MBNL2: variants seen among roughly 807,000 people sequenced by gnomAD.
MBNL2 encodes the protein muscleblind like splicing regulator 2.
MBNL2 carries 17 observed loss-of-function variants against 41.9 expected under a neutral mutation model. The observed-to-expected ratio is 0.41, with a 90% confidence interval of 0.28 to 0.61. The LOEUF (loss-of-function observed/expected upper bound fraction) is 0.61. Ranked by LOEUF, MBNL2 falls within the 20% of genes least tolerant of loss-of-function variation. The pLI, the probability that MBNL2 is intolerant of heterozygous loss-of-function variation, is 0.35. For synonymous variants in MBNL2, 195 were observed against 182.9 expected, an observed-to-expected ratio of 1.07 and a Z score of -0.53; for missense variants, 336 against 505.6, an observed-to-expected ratio of 0.66 and a Z score of 3.22.
intron 8 of MBNL2, among the ~76,000 whole-genome samples, chr13:97,380,731 T>C (rs1029997815): frequency 6.6e-6 from 1 of 152,086 alleles, no homozygotes; most frequent in Non-Finnish European, 1.5e-5. Flanking sequence ...CGAGCTTTAA[T>C]GGGGGATGGT....
At chr13:97,218,543 T>C (rs2040605888), upstream of MBNL2, among the ~76,000 whole-genome samples, 1 of 151,744 alleles carries the variant, frequency 6.6e-6, no homozygotes, top group African/African-American at 2.4e-5. Context: ...ATTGGGCAAA[T>C]TCGAAGGTAC....
At chr13:97,232,436 T>C (rs886124738) in intron 1 of MBNL2, among the ~76,000 whole-genome samples, 2 of 152,224 alleles carry the variant, frequency 1.3e-5, no homozygotes, top group African/African-American at 4.8e-5. Flanking sequence ...ACTTACTATA[T>C]GGAAAGTCCT....
At chr13:97,166,347 G>A in the MBNL2 span, among the ~76,000 whole-genome samples, 7,267 of 152,276 alleles carry the variant, frequency 0.048, 509 homozygotes, top group African/African-American at 0.16. Flanking sequence ...AGGTGTGGAT[G>A]AGACAGGTAG....
In MBNL2 at chr13:97,357,496, T is replaced by G; in HGVS notation, c.873T>G (p.Gly291=). Residue 291 remains glycine, a synonymous_variant, in exon 7 of 9, where the codon GGT becomes GGG. Transcript: ENST00000679496. ...TTCATTTCTAGGCCTTTCCCCCTGGTGCTCTTCATCCTTTACCAAAGAGAC... is the reference window on the plus strand; with the variant it reads ...TTCATTTCTAGGCCTTTCCCCCTGGGGCTCTTCATCCTTTACCAAAGAGAC... The part of the protein sequence containing the change: ...EATVDLAFPP[G]ALHPLPKRQA... The G allele has an allele frequency of 1.9e-6, 3 of 1,614,096 alleles. No homozygotes were observed. Among genetic ancestry groups the G allele is most frequent in the Middle Eastern group, 1.6e-4 (1 of 6,062 alleles).
At chr13:97,286,895 C>T (rs1162123614) in intron 2 of MBNL2, among the ~76,000 whole-genome samples, 3 of 152,200 alleles carry the variant, frequency 2.0e-5, no homozygotes, top group Non-Finnish European at 4.4e-5. Flanking sequence ...TTTCTGTTTC[C>T]TCCACTGAAT....
At chr13:97,298,558 A>G (rs770664937) in intron 2 of MBNL2, among the ~76,000 whole-genome samples, 11 of 152,194 alleles carry the variant, frequency 7.2e-5, no homozygotes, top group Non-Finnish European at 1.3e-4. Context: ...CTGGGACTGG[A>G]CCCAAGTTAA....
At chr13:97,363,496 G>A (rs902129561) in intron 7 of MBNL2, among the ~76,000 whole-genome samples, 7 of 150,822 alleles carry the variant, frequency 4.6e-5, no homozygotes, top group East Asian at 2.0e-4. Context: ...AGTGGCTTCC[G>A]ATGGAGGGAA....
At chr13:97,154,932 G>C in the MBNL2 span, among the ~76,000 whole-genome samples, 3 of 152,036 alleles carry the variant, frequency 2.0e-5, no homozygotes, top group Non-Finnish European at 4.4e-5. Context: ...AAATAGTATT[G>C]AGGAGGCGAT....
At chr13:97,354,565 C>A (rs1475896710) in intron 5 of MBNL2, among the ~76,000 whole-genome samples, 2 of 152,134 alleles carry the variant, frequency 1.3e-5, no homozygotes, top group Non-Finnish European at 2.9e-5. Flanking sequence ...CTAGAGATCT[C>A]AGTTTTTTTA....
At chr13:97,379,237 T>C (rs1193282238) in intron 8 of MBNL2, among the ~76,000 whole-genome samples, 3 of 152,114 alleles carry the variant, frequency 2.0e-5, no homozygotes, top group Non-Finnish European at 2.9e-5. Flanking sequence ...TTGGTGAGAA[T>C]AGCAAGAGAA....
At chr13:97,337,801 T>C (rs142389419) in intron 3 of MBNL2, among the ~76,000 whole-genome samples, 97 of 152,314 alleles carry the variant, frequency 6.4e-4, no homozygotes, top group Middle Eastern at 3.4e-3. Flanking sequence ...TTAAAAATTA[T>C]CAACTCTAGA....
At chr13:97,330,779 TA>T (rs2060368707) in intron 2 of MBNL2, among the ~76,000 whole-genome samples, 1 of 152,242 alleles carries the variant, frequency 6.6e-6, no homozygotes. Flanking sequence ...CTGTGTCAAA[TA>T]GCTTGTTTTA....
chr13:97,224,850 A>G (rs551219947), intron 1 of MBNL2, among the ~76,000 whole-genome samples: 2 of 152,380 alleles, frequency 1.3e-5, no homozygotes, highest in South Asian at 4.1e-4. Context: ...CAAGGAAATC[A>G]AAGCGTTGTT....
At chr13:97,360,502 A>G (rs1317189032) in intron 7 of MBNL2, among the ~76,000 whole-genome samples, 1 of 152,168 alleles carries the variant, frequency 6.6e-6, no homozygotes, top group Non-Finnish European at 1.5e-5. Flanking sequence ...AACCACACAC[A>G]CTTACAAAAA....
the MBNL2 span, among the ~76,000 whole-genome samples, chr13:97,199,509 T>C: frequency 6.6e-6 from 1 of 152,350 alleles, no homozygotes; most frequent in Middle Eastern, 3.4e-3. Flanking sequence ...AATTGTGGAA[T>C]GAATGAATAA....
chr13:97,246,770 C>T (rs759985025), intron 1 of MBNL2, among the ~76,000 whole-genome samples: 1 of 152,176 alleles, frequency 6.6e-6, no homozygotes, highest in Admixed American at 6.5e-5. Flanking sequence ...ACAAGACAGG[C>T]TCCTCCAGAC....
chr13:97,214,743 G>C, the MBNL2 span, among the ~76,000 whole-genome samples: 1 of 152,118 alleles, frequency 6.6e-6, no homozygotes, highest in Non-Finnish European at 1.5e-5. Context: ...GGTGGAGAAG[G>C]GGCTGAGAAT....
upstream of MBNL2, chr13:97,221,587 T>C (rs745924719): frequency 6.6e-6 from 1 of 152,182 alleles, no homozygotes; most frequent in Admixed American, 6.5e-5. Context: ...ATTTATCAAA[T>C]GGCATCTAAG....
At chr13:97,340,585 C>A (rs1003777653) in intron 3 of MBNL2, among the ~76,000 whole-genome samples, 1 of 152,064 alleles carries the variant, frequency 6.6e-6, no homozygotes. Context: ...TCTGCCCAAC[C>A]CTTTCAGCTA....
Sources: gnomAD v4.1 joint callset for allele counts (sites outside exome capture counted in the v4.1 genomes callset) on GRCh38, gnomAD v4.1.1 for gene constraint, MANE v1.5 for transcripts, NCBI Gene and HGNC (gene_info 2026-07-23, HGNC 2026-07-21) for gene names.